The following SLC24A3 variants were observed in gnomAD, a reference collection of about 807,000 sequenced individuals.
SLC24A3 encodes the protein sodium/potassium/calcium exchanger 3.
Under a neutral mutation model 75.8 loss-of-function variants are expected in SLC24A3, and 28 were observed. The observed-to-expected ratio is 0.37, with a 90% confidence interval of 0.27 to 0.51. SLC24A3 has a LOEUF of 0.51. Among genes scored for constraint, SLC24A3 ranks in the 20% least tolerant of loss-of-function variants. The probability of loss-of-function intolerance (pLI) is 0.94; values close to 1 mark genes in which losing one functional copy is unlikely to be tolerated. For synonymous variants in SLC24A3, 372 were observed against 334.1 expected, an observed-to-expected ratio of 1.11 and a Z score of -1.24; for missense variants, 663 against 847.8, an observed-to-expected ratio of 0.78 and a Z score of 2.71.
chr20:19,267,238 G>A (rs1983193855), intron 1 of SLC24A3, among the ~76,000 whole-genome samples: 2 of 152,122 alleles, frequency 1.3e-5, no homozygotes, highest in Non-Finnish European at 2.9e-5. Context: ...CAGAAGGTCT[G>A]CTTATTTTAA....
In SLC24A3 at chr20:19,717,389, A is replaced by C. The variant is rs183600825; in HGVS notation, c.1720-139A>C. Reference sequence around the variant, plus strand: ...TATAAGCTGTGGAGCTGGCTGCTGAAGCTGTTGCTTTTTCATTCTAGAGGG... The same window carrying C: ...TATAAGCTGTGGAGCTGGCTGCTGACGCTGTTGCTTTTTCATTCTAGAGGG... On this transcript the variant is annotated intron_variant, in intron 15 of 16. Transcript: ENST00000328041. 369 of 753,684 alleles carry C rather than the reference A, an allele frequency of 4.9e-4. 2 individuals are homozygous for C. The highest frequency in any genetic ancestry group is 2.7e-3 in the Middle Eastern group (10 of 3,764). The allele number at this position is 753,684 out of a possible 1,614,324, so 46.7% of individuals were successfully genotyped here.
intron 3 of SLC24A3, among the ~76,000 whole-genome samples, chr20:19,537,225 C>G (rs2030415044): frequency 2.0e-5 from 3 of 152,184 alleles, no homozygotes; most frequent in African/African-American, 7.2e-5. Flanking sequence ...AGGATATGAA[C>G]AGACACTTCT....
intron 2 of SLC24A3, among the ~76,000 whole-genome samples, chr20:19,465,183 G>A (rs369729900): frequency 6.6e-6 from 1 of 152,216 alleles, no homozygotes; most frequent in African/African-American, 2.4e-5. Flanking sequence ...CAGATTTCAC[G>A]GAGCGATAGC....
At chr20:19,350,275 C>A (rs1985537265) in intron 2 of SLC24A3, among the ~76,000 whole-genome samples, 1 of 152,186 alleles carries the variant, frequency 6.6e-6, no homozygotes, top group Non-Finnish European at 1.5e-5. Context: ...TAGATGAGAT[C>A]AAAGTTACCT....
intron 2 of SLC24A3, among the ~76,000 whole-genome samples, chr20:19,464,298 C>G (rs575766126): frequency 1.3e-5 from 2 of 152,370 alleles, no homozygotes; most frequent in African/African-American, 4.8e-5. Flanking sequence ...TCCTCTGTGA[C>G]TGCCCCTCAG....
intron 2 of SLC24A3, among the ~76,000 whole-genome samples, chr20:19,328,774 C>T (rs922059051): frequency 1.3e-5 from 2 of 152,042 alleles, no homozygotes; most frequent in African/African-American, 4.8e-5. Context: ...GTTCAGGCTG[C>T]AGGTCAAGGC....
chr20:19,257,297 A>G (rs1488200500), intron 1 of SLC24A3, among the ~76,000 whole-genome samples: 1 of 152,170 alleles, frequency 6.6e-6, no homozygotes, highest in African/African-American at 2.4e-5. Context: ...AAAAATCTAT[A>G]GTCTAAGCCT....
chr20:19,480,651 A>T (rs1450119345), intron 2 of SLC24A3, among the ~76,000 whole-genome samples: 1 of 152,154 alleles, frequency 6.6e-6, no homozygotes, highest in Non-Finnish European at 1.5e-5. Context: ...AGACCAGAAC[A>T]TTCTGTAGAC....
intron 15 of SLC24A3, among the ~76,000 whole-genome samples, chr20:19,706,013 A>T (rs2122158075): frequency 6.6e-6 from 1 of 152,330 alleles, no homozygotes; most frequent in Middle Eastern, 3.4e-3. Context: ...TGCAGGCTCC[A>T]GGAAGCCAGG....
At chr20:19,673,202 T>A (rs2032488657) in intron 8 of SLC24A3, among the ~76,000 whole-genome samples, 1 of 152,134 alleles carries the variant, frequency 6.6e-6, no homozygotes, top group African/African-American at 2.4e-5. Context: ...TATACAGCAA[T>A]CCCTCAGGCA....
intron 3 of SLC24A3, among the ~76,000 whole-genome samples, chr20:19,573,574 T>C (rs1008517611): frequency 8.5e-5 from 13 of 152,182 alleles, no homozygotes; most frequent in Admixed American, 8.5e-4. Context: ...TAGTTAGAAA[T>C]ACAGAAGGAG....
intron 3 of SLC24A3, among the ~76,000 whole-genome samples, chr20:19,524,543 A>G (rs1028848789): frequency 6.6e-6 from 1 of 152,158 alleles, no homozygotes; most frequent in East Asian, 1.9e-4. Flanking sequence ...TTCAGTAGAG[A>G]GCTTATGCAC....
chr20:19,527,092 C>T (rs2030212458), intron 3 of SLC24A3, among the ~76,000 whole-genome samples: 1 of 152,082 alleles, frequency 6.6e-6, no homozygotes, highest in Admixed American at 6.5e-5. Context: ...CCTTTGGTCT[C>T]CCTGAAATCC....
At chr20:19,658,330 G>C (rs1201797711) in intron 7 of SLC24A3, among the ~76,000 whole-genome samples, 2 of 152,194 alleles carry the variant, frequency 1.3e-5, no homozygotes, top group Admixed American at 1.3e-4. Context: ...AATGTCAGCT[G>C]ATGCGGGCGG....
intron 6 of SLC24A3, among the ~76,000 whole-genome samples, chr20:19,611,059 C>A (rs1277773530): frequency 6.6e-6 from 1 of 152,200 alleles, no homozygotes; most frequent in Non-Finnish European, 1.5e-5. Context: ...AAGATGCTGG[C>A]TTCACGGATG....
At chr20:19,512,392 C>G (rs1568639614) in intron 2 of SLC24A3, among the ~76,000 whole-genome samples, 2 of 152,190 alleles carry the variant, frequency 1.3e-5, no homozygotes, top group Non-Finnish European at 2.9e-5. Context: ...CCCTTTGGGT[C>G]CTGCTCCATC....
intron 2 of SLC24A3, among the ~76,000 whole-genome samples, chr20:19,368,799 G>T (rs1194085944): frequency 6.6e-6 from 1 of 152,204 alleles, no homozygotes; most frequent in African/African-American, 2.4e-5. Flanking sequence ...GCATCCGGGA[G>T]AATTTTCCAG....
chr20:19,242,007 C>A (rs1331223525), intron 1 of SLC24A3, among the ~76,000 whole-genome samples: 1 of 152,188 alleles, frequency 6.6e-6, no homozygotes, highest in South Asian at 2.1e-4. Context: ...CCTTCAAGGT[C>A]CCAGGACTGG....
rs73903708 is a variant in SLC24A3 at position 19,706,815 on chromosome 20, G to C, written c.1719+8135G>C. On this transcript the variant is annotated intron_variant, in intron 15 of 16. Coordinates refer to ENST00000328041, the MANE Select transcript of SLC24A3 (RefSeq NM_020689.4). ...GACTGATGGCAACAAGTTCAGCTAC[G>C]GGGCATTTGCAGGAGAGAGAGAATA... Among the ~76,000 whole-genome samples the C allele has an allele frequency of 4.1e-3, 628 of 152,306 alleles. 6 individuals carry two copies. Among genetic ancestry groups the C allele is most frequent in the African/African-American group, 0.015 (607 of 41,552 alleles).
Sources: allele counts gnomAD v4.1 joint callset (sites outside exome capture counted in the v4.1 genomes callset), GRCh38; gene constraint gnomAD v4.1.1; transcripts MANE v1.5; gene names NCBI Gene and HGNC (gene_info 2026-07-23, HGNC 2026-07-21).